The following RBMS3 variants were observed in gnomAD, a reference collection of about 807,000 sequenced individuals.
RBMS3 encodes the protein RNA-binding motif, single-stranded-interacting protein 3.
In RBMS3, 27 loss-of-function variants were observed where a neutral mutation model predicts 66.8. The ratio of observed to expected loss-of-function variants is 0.40; its 90% CI spans 0.30 to 0.56. The LOEUF is 0.56. Among genes scored for constraint, RBMS3 ranks in the 20% least tolerant of loss-of-function variants. RBMS3 has a pLI of 0.40. For missense variants in RBMS3, 513 were observed against 549.5 expected, an observed-to-expected ratio of 0.93 and a Z score of 0.66; for synonymous variants, 188 against 183.0, an observed-to-expected ratio of 1.03 and a Z score of -0.22.
At chr3:29,589,336 C>T (rs944437284) in intron 4 of RBMS3, among the ~76,000 whole-genome samples, 2 of 152,050 alleles carry the variant, frequency 1.3e-5, no homozygotes, top group Admixed American at 6.6e-5. Context: ...CCTCCTAAAA[C>T]GATTATTTTT....
At chr3:29,352,466 C>T (rs111391715) in intron 1 of RBMS3, among the ~76,000 whole-genome samples, 1,585 of 152,012 alleles carry the variant, frequency 0.01, 35 homozygotes, top group African/African-American at 0.036. Context: ...TTATTTTTAA[C>T]TGATACATGA....
chr3:29,856,447 G>A (rs2059079099), intron 6 of RBMS3, among the ~76,000 whole-genome samples: 2 of 152,132 alleles, frequency 1.3e-5, no homozygotes, highest in African/African-American at 4.8e-5. Flanking sequence ...AAAGTGAGAT[G>A]CACACATTTA....
intron 3 of RBMS3, among the ~76,000 whole-genome samples, chr3:29,519,046 AG>A (rs1203446851): frequency 2.6e-5 from 4 of 152,212 alleles, no homozygotes; most frequent in Non-Finnish European, 5.9e-5. Flanking sequence ...GTGTTCCAAA[AG>A]AAAAAGTAAT....
chr3:29,554,279 T>C (rs977891833), intron 3 of RBMS3, among the ~76,000 whole-genome samples: 2 of 152,258 alleles, frequency 1.3e-5, no homozygotes, highest in African/African-American at 4.8e-5. Context: ...TGATGTGCTA[T>C]CTATTGCTTA....
intron 3 of RBMS3, among the ~76,000 whole-genome samples, chr3:29,581,090 AG>A (rs1340499280): frequency 6.6e-6 from 1 of 152,198 alleles, no homozygotes; most frequent in Non-Finnish European, 1.5e-5. Flanking sequence ...GCTTTTCAGC[AG>A]GAACTATCTT....
At chr3:29,945,881 G>A (rs1695271707) in intron 12 of RBMS3, among the ~76,000 whole-genome samples, 1 of 151,658 alleles carries the variant, frequency 6.6e-6, no homozygotes, top group Non-Finnish European at 1.5e-5. Context: ...TAAAAGCAAT[G>A]CTTTAAGAAA....
At chr3:29,907,124 C>T (rs1051108877) in intron 10 of RBMS3, among the ~76,000 whole-genome samples, 2 of 152,158 alleles carry the variant, frequency 1.3e-5, no homozygotes, top group East Asian at 1.9e-4. Context: ...CCTTCCTGTT[C>T]ATGGTTAGCT....
At chr3:29,429,154 G>A (rs1318906339) in intron 1 of RBMS3, among the ~76,000 whole-genome samples, 2 of 152,182 alleles carry the variant, frequency 1.3e-5, no homozygotes, top group East Asian at 1.9e-4. Flanking sequence ...GTGTGACCTT[G>A]AGAAGGTCAT....
intron 4 of RBMS3, among the ~76,000 whole-genome samples, chr3:29,734,564 T>C (rs1559618007): frequency 6.6e-6 from 1 of 152,044 alleles, no homozygotes; most frequent in Non-Finnish European, 1.5e-5. Flanking sequence ...TTAAAAAGGG[T>C]TCGATAGTAT....
intron 1 of RBMS3, among the ~76,000 whole-genome samples, chr3:29,295,733 C>G (rs1203478875): frequency 6.6e-6 from 1 of 151,524 alleles, no homozygotes; most frequent in African/African-American, 2.4e-5. Flanking sequence ...TTTATTTGTA[C>G]CACGTTTTAT....
At chr3:29,477,777 C>G (rs2043000488) in intron 2 of RBMS3, among the ~76,000 whole-genome samples, 3 of 151,558 alleles carry the variant, frequency 2.0e-5, no homozygotes. Flanking sequence ...TTTTCTTTTT[C>G]TTTTTTGAGA....
chr3:29,673,041 A>G (rs747089827), intron 4 of RBMS3, among the ~76,000 whole-genome samples: 7 of 152,214 alleles, frequency 4.6e-5, no homozygotes, highest in Non-Finnish European at 7.3e-5. Context: ...CAGAAATTAT[A>G]ACAAACTGTC....
intron 8 of RBMS3, among the ~76,000 whole-genome samples, chr3:29,884,630 G>A (rs529870152): frequency 6.6e-6 from 1 of 151,834 alleles, no homozygotes; most frequent in African/African-American, 2.4e-5. Flanking sequence ...AATGGTAATG[G>A]AGGAAAGTCA....
intron 10 of RBMS3, among the ~76,000 whole-genome samples, chr3:29,907,630 G>A (rs540149246): frequency 5.9e-4 from 90 of 151,758 alleles, no homozygotes; most frequent in Admixed American, 9.2e-4. Flanking sequence ...ATATACTTCC[G>A]GATTATACTT....
At chr3:29,773,914 T>C (rs2149399334) in intron 6 of RBMS3, among the ~76,000 whole-genome samples, 1 of 152,162 alleles carries the variant, frequency 6.6e-6, no homozygotes, top group South Asian at 2.1e-4. Context: ...TAACACCACA[T>C]CCTTGCTTGA....
At chr3:29,883,932 T>C (rs1393420724) in intron 7 of RBMS3, among the ~76,000 whole-genome samples, 5 of 152,044 alleles carry the variant, frequency 3.3e-5, no homozygotes, top group Non-Finnish European at 7.4e-5. Context: ...CAAGCTGCAT[T>C]GTTTCTTGGT....
chr3:29,319,879 C>G (rs2034907161), intron 1 of RBMS3, among the ~76,000 whole-genome samples: 1 of 151,942 alleles, frequency 6.6e-6, no homozygotes, highest in African/African-American at 2.4e-5. Context: ...TAGGAAGCAC[C>G]CTTTCCCCTT....
intron 4 of RBMS3, among the ~76,000 whole-genome samples, chr3:29,626,274 A>G (rs1161443859): frequency 2.0e-5 from 3 of 152,204 alleles, no homozygotes; most frequent in Non-Finnish European, 4.4e-5. Context: ...GGCCTACCCC[A>G]TTCTTAAAAC....
At chr3:29,876,720 A>G (rs977661461) in intron 7 of RBMS3, among the ~76,000 whole-genome samples, 1 of 152,240 alleles carries the variant, frequency 6.6e-6, no homozygotes, top group South Asian at 2.1e-4. Context: ...ATTCCCACAG[A>G]AAGTAATGGA....
Sources: gnomAD v4.1 joint callset for allele counts (sites outside exome capture counted in the v4.1 genomes callset) on GRCh38, gnomAD v4.1.1 for gene constraint, MANE v1.5 for transcripts, NCBI Gene and HGNC (gene_info 2026-07-23, HGNC 2026-07-21) for gene names.